The following ATP8B2 variants were observed in gnomAD, a reference collection of about 807,000 sequenced individuals.
ATP8B2 encodes ATPase phospholipid transporting 8B2, also known as phospholipid-transporting ATPase ID.
ATP8B2 carries 70 observed loss-of-function variants against 133.4 expected under a neutral mutation model. The observed-to-expected ratio is 0.52, with a 90% CI of 0.43 to 0.64. ATP8B2 has a LOEUF of 0.64. Ranked by LOEUF, ATP8B2 falls within the 30% of genes least tolerant of loss-of-function variation. The pLI is 0.00. For missense variants in ATP8B2, 1,101 were observed against 1,535.7 expected (o/e 0.72, Z 4.73); for synonymous variants, 517 against 589.5 (o/e 0.88, Z 1.78).
rs1034480313 is a variant in ATP8B2 at position 154,331,789 on chromosome 1, T to C, written c.438+111T>C. The C allele has an allele frequency of 7.4e-7, 1 of 1,355,160 alleles. No homozygotes were observed. Among genetic ancestry groups the C allele is most frequent in the South Asian group, 1.2e-5 (1 of 85,120 alleles). 83.9% of individuals were successfully genotyped at this position (1,355,160 alleles called of 1,614,324 possible). A position where few individuals can be genotyped will look rare whatever the true frequency, so the allele number is the denominator to read the frequency against. On this transcript the variant is annotated intron_variant, in intron 7 of 27. Coordinates refer to ENST00000368489, the MANE Select transcript of ATP8B2 (RefSeq NM_001370597.1). The surrounding 1 kb of genome is among the most constrained non-coding windows in gnomAD (Gnocchi z 4.8). ...CTCTTAAACACCCGTGGCAGGAATC[T>C]TTCTCACACCAGGGGCTTCTGTGTC...
intron 12 of ATP8B2, among the ~76,000 whole-genome samples, chr1:154,338,495 A>C (rs1686267820): frequency 6.6e-6 from 1 of 152,156 alleles, no homozygotes; most frequent in Non-Finnish European, 1.5e-5. Flanking sequence ...CCCCGTCTCT[A>C]CTAAAAATAC....
chr1:154,348,383 G>A (rs375192481), intron 26 of ATP8B2, 25 bp from the exon 27 acceptor site: 38 of 1,587,466 alleles, frequency 2.4e-5, no homozygotes, highest in Non-Finnish European at 3.3e-5. Context: ...GACTCCCAAG[G>A]CCACTGACTC....
rs376303258 is a variant in ATP8B2 at position 154,344,073 on chromosome 1, C to T, written c.1923+16C>T. ...CAACATGATGGTACGGGCTGCGGGA[C>T]GGGCCAAGGATGGGCACGGAGGGCT... is the stretch of plus-strand genomic sequence containing the variant. On this transcript the variant is annotated intron_variant, in intron 18 of 27. Coordinates refer to ENST00000368489, the MANE Select transcript of ATP8B2 (RefSeq NM_001370597.1). This position sits in a 1 kb window ranked among gnomAD's most constrained non-coding sequence, Gnocchi z 4.1. 24 of 1,613,904 alleles carry T rather than the reference C, an allele frequency of 1.5e-5. No individual in the cohort carries two copies. Among genetic ancestry groups the T allele is most frequent in the African/African-American group, 2.7e-5 (2 of 75,028 alleles).
chr1:154,327,905 C>T (rs771272581), intron 1 of ATP8B2, 200 bp from the exon 2 acceptor site: 1 of 1,589,440 alleles, frequency 6.3e-7, no homozygotes, highest in South Asian at 1.1e-5. Context: ...TCACCCAAGG[C>T]AGGGGCATGA....
intron 13 of ATP8B2, 79 bp from the exon 14 acceptor site, chr1:154,342,401 C>T: frequency 7.1e-7 from 1 of 1,416,212 alleles, no homozygotes; most frequent in Non-Finnish European, 1.0e-6. Flanking sequence ...TACGGGGATT[C>T]TGCATTGGAG....
intron 9 of ATP8B2, among the ~76,000 whole-genome samples, chr1:154,333,489 G>C (rs1269843053): frequency 1.4e-5 from 2 of 141,086 alleles, no homozygotes; most frequent in African/African-American, 5.5e-5. Flanking sequence ...GGGCAACACA[G>C]TGAGACACTG....
chr1:154,338,202 T>G (rs1686257085), intron 12 of ATP8B2, among the ~76,000 whole-genome samples: 1 of 151,750 alleles, frequency 6.6e-6, no homozygotes. Context: ...GAGAGGAGGC[T>G]GAGAGGGCTG....
intron 3 of ATP8B2, 154 bp downstream of exon 3, chr1:154,330,608 A>C: frequency 3.6e-6 from 3 of 831,894 alleles, no homozygotes; most frequent in Non-Finnish European, 5.7e-6. Flanking sequence ...ATCGTGCTGA[A>C]TTTTTCATGC....
At chr1:154,332,578 A>G in intron 8 of ATP8B2, 40 bp from the exon 9 acceptor site, 14 of 1,482,640 alleles carry the variant, frequency 9.4e-6, no homozygotes, top group Non-Finnish European at 1.3e-5. Context: ...CATTTAGAGG[A>G]TGAGGAGGGA....
At chr1:154,332,800 A>G (rs767501080) in intron 9 of ATP8B2, 103 bp downstream of exon 9, 6 of 898,502 alleles carry the variant, frequency 6.7e-6, no homozygotes, top group Non-Finnish European at 1.1e-5. Flanking sequence ...TGTTGTTATT[A>G]TGCAACTCCC....
Position 154,350,084 on chromosome 1 carries a change from T to G in ATP8B2, c.*966T>G, listed in dbSNP as rs1004077841. ...TTTTTTCTTTTTCTTTTTTTCTTTT[T>G]TTTTTTGAGATGGAGTCTCACTCTT... is the stretch of plus-strand genomic sequence containing the variant. On this transcript the variant is annotated 3_prime_UTR_variant, in exon 28 of 28. Transcript: ENST00000368489. 1 of 151,952 alleles carries G rather than the reference T, an allele frequency of 6.6e-6. No individual in the cohort carries two copies. Among genetic ancestry groups the G allele is most frequent in the Non-Finnish European group, 1.5e-5 (1 of 68,078 alleles). 9.4% of individuals were successfully genotyped at this position (151,952 alleles called of 1,614,324 possible).
intron 2 of ATP8B2, chr1:154,329,054 A>G (rs766974923): frequency 7.7e-7 from 1 of 1,303,250 alleles, no homozygotes; most frequent in South Asian, 1.2e-5. Flanking sequence ...TTGGAGCCGA[A>G]AGAAGCCCTC....
chr1:154,331,181 C>A lies in ATP8B2; in HGVS notation c.303+35C>A. On this transcript the variant is annotated intron_variant, in intron 5 of 27. Transcript: ENST00000368489. The surrounding 1 kb of genome is among the most constrained non-coding windows in gnomAD (Gnocchi z 4.8). ...TTTCATTCTTCTATTTTGTCCCAGT[C>A]ACCCACCCCTACTCCCAGCCCCACC... 1 of 1,579,732 alleles carries A rather than the reference C, an allele frequency of 6.3e-7. No homozygotes were observed. Among genetic ancestry groups the A allele is most frequent in the South Asian group, 1.1e-5 (1 of 89,974 alleles).
intron 1 of ATP8B2, among the ~76,000 whole-genome samples, chr1:154,326,593 G>GC (rs1237253755): frequency 3.3e-5 from 5 of 152,018 alleles, no homozygotes; most frequent in Non-Finnish European, 7.4e-5. Context: ...TGGAATGATG[G>GC]CCCCCCCAGA....
Position 154,328,155 on chromosome 1 carries a change from CAA to C in ATP8B2, c.19_20del (p.Lys7AlafsTer12). ...TTGCTGGGTGAGATGGCAGTGTGTG[CAA>C]AAAAGCGCCCCCCAGGTAAGACAGG... On this transcript the variant is annotated frameshift_variant, in exon 2 of 28. Transcript: ENST00000368489. LOFTEE classifies it high-confidence loss of function. This position sits in a 1 kb window ranked among gnomAD's most constrained non-coding sequence, Gnocchi z 4.6. 6.2e-7 allele frequency: 1 copy of C among 1,613,778 alleles called. No individual in the cohort carries two copies. The highest frequency in any genetic ancestry group is 2.2e-5 in the East Asian group (1 of 44,876).
intron 8 of ATP8B2, among the ~76,000 whole-genome samples, chr1:154,332,312 T>C (rs1405382467): frequency 1.3e-5 from 2 of 152,164 alleles, no homozygotes; most frequent in African/African-American, 2.4e-5. Context: ...TGTGGGAGGA[T>C]TGCTTGAGGC....
Position 154,331,520 on chromosome 1 carries a change from G to T in ATP8B2, c.365+15G>T, listed in dbSNP as rs746414623. On this transcript the variant is annotated intron_variant, in intron 6 of 27. Coordinates refer to ENST00000368489, the MANE Select transcript of ATP8B2 (RefSeq NM_001370597.1). The surrounding 1 kb of genome is among the most constrained non-coding windows in gnomAD (Gnocchi z 4.8). ...ATCAATGGAATGTGAGTGCCTGTTG[G>T]AGACAAGAGCTCTGGGGACGAAGGG... The T allele has an allele frequency of 4.3e-6, 7 of 1,613,940 alleles. No homozygotes were observed. In the African/African-American group the frequency reaches 6.7e-5, roughly 15 times the overall value.
chr1:154,326,323 G>C (rs1335340171), intron 1 of ATP8B2, among the ~76,000 whole-genome samples: 1 of 152,100 alleles, frequency 6.6e-6, no homozygotes, highest in Non-Finnish European at 1.5e-5. Context: ...TGAAAGAAGT[G>C]GCCAGCCTTT....
chr1:154,334,460 G>T lies in ATP8B2; in HGVS notation c.749-43G>T. 1 of 1,597,164 alleles carries T rather than the reference G, an allele frequency of 6.3e-7. No individual in the cohort carries two copies. The highest frequency in any genetic ancestry group is 1.1e-5 in the South Asian group (1 of 90,500). ...GGATCAGGGCAGAAGCCCAGAGGCA[G>T]ATGTGTTATTTGGCTTTCCCAGCCC... is the stretch of plus-strand genomic sequence containing the variant. On this transcript the variant is annotated intron_variant, in intron 10 of 27. Transcript: ENST00000368489. This position sits in a 1 kb window ranked among gnomAD's most constrained non-coding sequence, Gnocchi z 4.6.
Sources: gnomAD v4.1 joint callset for allele counts (sites outside exome capture counted in the v4.1 genomes callset) on GRCh38, gnomAD v4.1.1 for gene constraint, Gnocchi (gnomAD v3.1) non-coding constraint, MANE v1.5 for transcripts, NCBI Gene and HGNC (gene_info 2026-07-23, HGNC 2026-07-21) for gene names.